XKR9: variants seen among roughly 807,000 people sequenced by gnomAD.
The protein encoded by XKR9 is XK related 9.
A neutral mutation model predicts 32.0 loss-of-function variants in XKR9; 32 were observed. The observed-to-expected ratio is 1.00, with a 90% CI of 0.76 to 1.34. The LOEUF is 1.34. Among genes scored for constraint, XKR9 ranks in the 40% most tolerant of loss-of-function variants. XKR9 has a pLI of 0.00. For missense variants in XKR9, 546 were observed against 429.7 expected (o/e 1.27, Z -2.39); for synonymous variants, 168 against 143.4 (o/e 1.17, Z -1.22).
chr8:70,672,542 A>G (rs922323610), intron 1 of XKR9, among the ~76,000 whole-genome samples: 2 of 152,174 alleles, frequency 1.3e-5, no homozygotes, highest in African/African-American at 4.8e-5. Context: ...TGTGATAAAC[A>G]TGCAGGTGCA....
chr8:70,818,741 G>T, the XKR9 span, among the ~76,000 whole-genome samples: 1 of 152,274 alleles, frequency 6.6e-6, no homozygotes, highest in South Asian at 2.1e-4. Flanking sequence ...TAGGGGTTGA[G>T]TAGTCTTAGA....
At chr8:70,740,191 T>C (rs1332666689), downstream of XKR9, among the ~76,000 whole-genome samples, 1 of 152,180 alleles carries the variant, frequency 6.6e-6, no homozygotes, top group Non-Finnish European at 1.5e-5. Context: ...TTCTCTAAAC[T>C]TCCCTTCTCG....
Position 70,669,392 on chromosome 8 carries a change from C to G in XKR9, c.-507C>G, listed in dbSNP as rs1380852860. 6.9e-6 allele frequency: 3 copies of G among 433,940 alleles called. No homozygotes were observed. Among genetic ancestry groups the G allele is most frequent in the East Asian group, 4.5e-5 (1 of 22,020 alleles). 26.9% of individuals were successfully genotyped at this position (433,940 alleles called of 1,614,324 possible). On this transcript the variant is annotated 5_prime_UTR_variant, in exon 1 of 5. Coordinates refer to ENST00000408926, the MANE Select transcript of XKR9 (RefSeq NM_001011720.2). Reference sequence around the variant, plus strand: ...GCGGGCAGTGGTGGGAAGGCTGGCGCGAGGCGTGAGGTGGCGTGAGGCGAA... The same window carrying G: ...GCGGGCAGTGGTGGGAAGGCTGGCGGGAGGCGTGAGGTGGCGTGAGGCGAA...
the XKR9 span, among the ~76,000 whole-genome samples, chr8:70,996,198 T>G: frequency 1.3e-5 from 2 of 152,206 alleles, no homozygotes; most frequent in East Asian, 3.8e-4. Context: ...TACCTAGAAA[T>G]GTATTAGTCA....
chr8:71,037,884 T>C, the XKR9 span, among the ~76,000 whole-genome samples: 1 of 152,214 alleles, frequency 6.6e-6, no homozygotes, highest in East Asian at 1.9e-4. Context: ...TCAATTTGTC[T>C]CCTTATATGG....
downstream of XKR9, among the ~76,000 whole-genome samples, chr8:70,740,552 A>G (rs1383238636): frequency 6.8e-6 from 1 of 146,586 alleles, no homozygotes; most frequent in Non-Finnish European, 1.5e-5. Flanking sequence ...TGCTTTTTAG[A>G]GTTTCCAGTT....
chr8:70,776,961 A>ATATATATATG (rs796746390), intron 2 of XKR9, among the ~76,000 whole-genome samples: 1,648 of 88,008 alleles, frequency 0.019, 22 homozygotes, highest in Non-Finnish European at 0.026. Flanking sequence ...ATATATATAT[A>ATATATATATG]TATGTATGTA....
chr8:70,876,921 T>G, the XKR9 span, among the ~76,000 whole-genome samples: 130 of 152,270 alleles, frequency 8.5e-4, no homozygotes, highest in Middle Eastern at 6.8e-3. Context: ...CGTACTGTTT[T>G]GTAAAAAATG....
the XKR9 span, among the ~76,000 whole-genome samples, chr8:71,039,576 A>C: frequency 6.6e-6 from 1 of 152,216 alleles, no homozygotes; most frequent in Admixed American, 6.5e-5. Flanking sequence ...GTGATTAGAC[A>C]CAGTCAAATA....
chr8:70,819,377 G>A, the XKR9 span, among the ~76,000 whole-genome samples: 1 of 152,190 alleles, frequency 6.6e-6, no homozygotes, highest in African/African-American at 2.4e-5. Context: ...CCTCTTAGAA[G>A]TTTCCAGCAT....
At chr8:70,765,584 T>G (rs543094868) in intron 2 of XKR9, among the ~76,000 whole-genome samples, 142 of 152,358 alleles carry the variant, frequency 9.3e-4, no homozygotes, top group African/African-American at 3.3e-3. Flanking sequence ...CACTCTGCTT[T>G]CTTTTGCTGT....
intron 4 of XKR9, among the ~76,000 whole-genome samples, chr8:70,721,066 A>G (rs1348632614): frequency 3.3e-5 from 5 of 152,128 alleles, no homozygotes; most frequent in Admixed American, 6.6e-5. Flanking sequence ...CATTTCTTCA[A>G]GATTTTCTAG....
chr8:71,015,982 T>C, the XKR9 span, among the ~76,000 whole-genome samples: 1 of 151,342 alleles, frequency 6.6e-6, no homozygotes, highest in Non-Finnish European at 1.5e-5. Flanking sequence ...CAGCCAAAAG[T>C]CATCTACACA....
chr8:70,952,392 C>T, the XKR9 span, among the ~76,000 whole-genome samples: 2 of 152,168 alleles, frequency 1.3e-5, no homozygotes, highest in Non-Finnish European at 2.9e-5. Context: ...ACTGTTATTT[C>T]TTTATATTAA....
the XKR9 span, among the ~76,000 whole-genome samples, chr8:70,820,169 G>A: frequency 2.6e-5 from 4 of 152,122 alleles, no homozygotes; most frequent in Non-Finnish European, 1.5e-5. Context: ...TAGAGAAAAA[G>A]AACATCCTTA....
At chr8:70,879,493 A>G in the XKR9 span, among the ~76,000 whole-genome samples, 1 of 152,328 alleles carries the variant, frequency 6.6e-6, no homozygotes, top group Admixed American at 6.5e-5. Flanking sequence ...CTGATCCCAC[A>G]GAAATACAAA....
chr8:70,950,908 G>A, the XKR9 span, among the ~76,000 whole-genome samples: 2 of 151,994 alleles, frequency 1.3e-5, no homozygotes, highest in Non-Finnish European at 2.9e-5. Flanking sequence ...TCCTGACCTC[G>A]AGTGATCTGC....
At chr8:71,006,310 A>C in the XKR9 span, among the ~76,000 whole-genome samples, 11 of 147,576 alleles carry the variant, frequency 7.5e-5, no homozygotes, top group South Asian at 2.1e-3. Flanking sequence ...AAACTTTCTT[A>C]AAACATTACG....
At chr8:70,779,538 C>A (rs1009362506) in intron 2 of XKR9, among the ~76,000 whole-genome samples, 1 of 152,056 alleles carries the variant, frequency 6.6e-6, no homozygotes. Context: ...GGTACCAGCT[C>A]CTCTTTGTAC....
Sources: allele counts gnomAD v4.1 joint callset (sites outside exome capture counted in the v4.1 genomes callset), GRCh38; gene constraint gnomAD v4.1.1; transcripts MANE v1.5; gene names NCBI Gene and HGNC (gene_info 2026-07-23, HGNC 2026-07-21).